The following WWOX variants were observed in gnomAD, a reference collection of about 807,000 sequenced individuals.
The protein encoded by WWOX is WW domain-containing oxidoreductase.
WWOX carries 69 observed loss-of-function variants against 46.2 expected under a neutral mutation model. The ratio of observed to expected loss-of-function variants is 1.49; its 90% CI spans 1.23 to 1.82. WWOX has a LOEUF of 1.82. Ranked by LOEUF, WWOX falls within the 40% of genes most tolerant of loss-of-function variation. WWOX has a pLI of 0.00. For synonymous variants in WWOX, 359 were observed against 202.6 expected, an observed-to-expected ratio of 1.77 and a Z score of -6.56; for missense variants, 919 against 542.6, an observed-to-expected ratio of 1.69 and a Z score of -6.89.
At chr16:78,998,304 T>C (rs1053566350) in intron 8 of WWOX, among the ~76,000 whole-genome samples, 17 of 152,214 alleles carry the variant, frequency 1.1e-4, no homozygotes, top group Non-Finnish European at 2.2e-4. Flanking sequence ...TGTTGGCTGC[T>C]CTTCTCCCTT....
At chr16:78,417,171 CAA>C (rs1567559849) in intron 6 of WWOX, among the ~76,000 whole-genome samples, 4 of 152,128 alleles carry the variant, frequency 2.6e-5, no homozygotes, top group Admixed American at 2.0e-4. Flanking sequence ...CTCCCAGGTT[CAA>C]GAGATCCTCC....
intron 6 of WWOX, among the ~76,000 whole-genome samples, chr16:78,415,906 TG>T (rs1210785921): frequency 1.3e-5 from 2 of 152,174 alleles, no homozygotes; most frequent in Non-Finnish European, 2.9e-5. Context: ...GTTGCTGGTT[TG>T]TAAATAGCAT....
chr16:78,416,381 G>A (rs1258049867), intron 6 of WWOX, among the ~76,000 whole-genome samples: 1 of 152,148 alleles, frequency 6.6e-6, no homozygotes, highest in Non-Finnish European at 1.5e-5. Context: ...TTAAAACAAA[G>A]TCAAGCACTT....
At chr16:78,635,822 C>T (rs374594186) in intron 8 of WWOX, among the ~76,000 whole-genome samples, 1 of 152,178 alleles carries the variant, frequency 6.6e-6, no homozygotes, top group Non-Finnish European at 1.5e-5. Flanking sequence ...GTGCCCAAAT[C>T]TCAGAAGTTG....
chr16:78,487,577 G>C lies in WWOX; in HGVS notation c.1056+54825G>C, dbSNP rs138840543. On this transcript the variant is annotated intron_variant, in intron 8 of 8. Coordinates refer to ENST00000566780, the MANE Select transcript of WWOX (RefSeq NM_016373.4). Reference sequence around the variant, plus strand: ...CTCTGGTTCAGGGTGTTGAGGCTTCGTGCTGTTAATATTGGAAGGTGGGTC... The same window carrying C: ...CTCTGGTTCAGGGTGTTGAGGCTTCCTGCTGTTAATATTGGAAGGTGGGTC... 1.2e-4 allele frequency among the ~76,000 whole-genome samples: 18 copies of C among 152,196 alleles called. No individual in the cohort carries two copies. In the East Asian group the frequency reaches 3.3e-3, roughly 28 times the overall value.
chr16:78,961,449 A>G (rs1475741969), intron 8 of WWOX, among the ~76,000 whole-genome samples: 12 of 151,856 alleles, frequency 7.9e-5, no homozygotes, highest in Admixed American at 3.9e-4. Flanking sequence ...GGATGGATGG[A>G]TGGATGGGTG....
intron 8 of WWOX, among the ~76,000 whole-genome samples, chr16:79,019,188 A>AAAAAAAAAAAAAAAAAG: frequency 1.6e-5 from 1 of 60,924 alleles, no homozygotes; most frequent in Non-Finnish European, 3.4e-5. Context: ...AAAAAAAAGA[A>AAAAAAAAAAAAAAAAAG]AAAAAAAAGT....
At chr16:78,870,840 A>G (rs1276923205) in intron 8 of WWOX, among the ~76,000 whole-genome samples, 1 of 152,154 alleles carries the variant, frequency 6.6e-6, no homozygotes, top group Admixed American at 6.5e-5. Context: ...GAGCTTAGGC[A>G]GTCTGCCCAC....
chr16:78,764,119 G>A (rs764163817), intron 8 of WWOX, among the ~76,000 whole-genome samples: 3 of 152,248 alleles, frequency 2.0e-5, no homozygotes, highest in Non-Finnish European at 4.4e-5. Flanking sequence ...GATAAAAATC[G>A]TGTCACCACT....
intron 8 of WWOX, among the ~76,000 whole-genome samples, chr16:78,700,628 C>G (rs1417489244): frequency 6.6e-6 from 1 of 152,168 alleles, no homozygotes; most frequent in Non-Finnish European, 1.5e-5. Context: ...TGTCATAGGA[C>G]CATTCCTCAC....
At chr16:78,322,757 TAC>T (rs2080514295) in intron 5 of WWOX, among the ~76,000 whole-genome samples, 2 of 152,238 alleles carry the variant, frequency 1.3e-5, no homozygotes, top group South Asian at 4.1e-4. Context: ...TGCTTTGCAG[TAC>T]AGTCTTTTGC....
At chr16:78,606,029 A>G (rs2045748432) in intron 8 of WWOX, among the ~76,000 whole-genome samples, 1 of 152,178 alleles carries the variant, frequency 6.6e-6, no homozygotes, top group South Asian at 2.1e-4. Flanking sequence ...AATATATACT[A>G]GTTAGGAGAC....
chr16:79,159,718 G>A (rs965352956), intron 8 of WWOX, among the ~76,000 whole-genome samples: 2 of 152,160 alleles, frequency 1.3e-5, no homozygotes, highest in African/African-American at 2.4e-5. Flanking sequence ...AGTATTAAAC[G>A]CATGCTCAAT....
chr16:79,038,677 G>C (rs1228630073), intron 8 of WWOX, among the ~76,000 whole-genome samples: 1 of 151,942 alleles, frequency 6.6e-6, no homozygotes, highest in Non-Finnish European at 1.5e-5. Context: ...AGGCTCCCAA[G>C]TAGCTGGGAT....
At chr16:78,328,989 G>C (rs1472094911) in intron 5 of WWOX, among the ~76,000 whole-genome samples, 3 of 151,954 alleles carry the variant, frequency 2.0e-5, no homozygotes, top group Admixed American at 1.3e-4. Context: ...AGCCTCCCGA[G>C]TACCTGGGAC....
intron 8 of WWOX, among the ~76,000 whole-genome samples, chr16:79,082,449 G>A (rs1486044008): frequency 3.3e-5 from 5 of 152,172 alleles, no homozygotes; most frequent in African/African-American, 9.7e-5. Flanking sequence ...GGAGAAGCAG[G>A]TACTCAGGAA....
chr16:78,341,022 AAGT>A (rs1178276747), intron 5 of WWOX, among the ~76,000 whole-genome samples: 1 of 119,268 alleles, frequency 8.4e-6, no homozygotes, highest in Non-Finnish European at 2.0e-5. Context: ...CCATTTTCAG[AAGT>A]ACCAGGTTCC....
At chr16:78,276,791 C>A (rs4270188) in intron 5 of WWOX, among the ~76,000 whole-genome samples, 108,979 of 152,092 alleles carry the variant, frequency 0.72, 40,631 homozygotes, top group East Asian at 1. Context: ...AGGATATTTA[C>A]TGTCTGAAAG....
intron 8 of WWOX, among the ~76,000 whole-genome samples, chr16:78,815,437 C>T (rs923065923): frequency 6.6e-6 from 1 of 152,144 alleles, no homozygotes; most frequent in East Asian, 1.9e-4. Context: ...TTCCTTAAAC[C>T]CTGCACCGAC....
Sources: allele counts gnomAD v4.1 joint callset (sites outside exome capture counted in the v4.1 genomes callset), GRCh38; gene constraint gnomAD v4.1.1; transcripts MANE v1.5; gene names NCBI Gene and HGNC (gene_info 2026-07-23, HGNC 2026-07-21).